The following PRPSAP2 variants were observed in gnomAD, a reference collection of about 807,000 sequenced individuals.
PRPSAP2 encodes phosphoribosyl pyrophosphate synthase-associated protein 2.
Under a neutral mutation model 40.6 loss-of-function variants are expected in PRPSAP2, and 24 were observed. The observed-to-expected ratio is 0.59, with a 90% CI of 0.43 to 0.83. The LOEUF (loss-of-function observed/expected upper bound fraction) is 0.83, where lower values mean the gene tolerates loss of function less well. Among genes scored for constraint, PRPSAP2 ranks in the 40% least tolerant of loss-of-function variants. The probability of loss-of-function intolerance (pLI) is 0.00; values close to 1 mark genes in which losing one functional copy is unlikely to be tolerated. For missense variants in PRPSAP2, 292 were observed against 465.6 expected, an observed-to-expected ratio of 0.63 and a Z score of 3.43; for synonymous variants, 149 against 164.7, an observed-to-expected ratio of 0.90 and a Z score of 0.73.
At chr17:18,921,229 G>A (rs1464644495) in intron 9 of PRPSAP2, among the ~76,000 whole-genome samples, 1 of 151,878 alleles carries the variant, frequency 6.6e-6, no homozygotes. Flanking sequence ...CTTATAATGT[G>A]GCAGGAAATA....
At chr17:18,926,273 A>ATTT (rs778589028) in intron 10 of PRPSAP2, among the ~76,000 whole-genome samples, 1 of 108,256 alleles carries the variant, frequency 9.2e-6, no homozygotes, top group African/African-American at 3.5e-5. Context: ...ATTTATTTCT[A>ATTT]TTTTTTTTTT....
intron 9 of PRPSAP2, among the ~76,000 whole-genome samples, chr17:18,912,525 C>CTTAACTTA (rs1567736311): frequency 2.0e-5 from 3 of 152,086 alleles, no homozygotes; most frequent in Non-Finnish European, 4.4e-5. Flanking sequence ...ATGTTAACTC[C>CTTAACTTA]GGGTAAGTCT....
chr17:18,898,199 G>C (rs558384892), intron 8 of PRPSAP2, among the ~76,000 whole-genome samples: 5 of 151,684 alleles, frequency 3.3e-5, no homozygotes, highest in East Asian at 1.9e-4. Context: ...GGGTTTCACT[G>C]TGTTGGCCAG....
rs2040973820 is a variant in PRPSAP2, at chr17:18,911,799, A to G, written c.733+548A>G. 6.6e-6 allele frequency among the ~76,000 whole-genome samples: 1 copy of G among 152,250 alleles called. No homozygotes were observed. Among genetic ancestry groups the G allele is most frequent in the Admixed American group, 6.5e-5 (1 of 15,282 alleles). On this transcript the variant is annotated intron_variant, in intron 9 of 11. Coordinates refer to ENST00000268835, the MANE Select transcript of PRPSAP2 (RefSeq NM_002767.4). The surrounding 1 kb of genome is among the most constrained non-coding windows in gnomAD (Gnocchi z 4.5). ...ATTTGTCTTAGTTCAGGCTGCTGTG[A>G]TGAAATACCTTAGACTGGGTAATAT... is the stretch of plus-strand genomic sequence containing the variant.
intron 8 of PRPSAP2, among the ~76,000 whole-genome samples, chr17:18,906,460 C>T (rs571872893): frequency 2.2e-4 from 34 of 152,264 alleles, no homozygotes; most frequent in African/African-American, 7.5e-4. Context: ...GCGATCCACC[C>T]GCCTCAGCCT....
chr17:18,895,182 TC>T (rs1408527871), intron 8 of PRPSAP2, among the ~76,000 whole-genome samples: 1 of 151,514 alleles, frequency 6.6e-6, no homozygotes, highest in Non-Finnish European at 1.5e-5. Context: ...ATTTTTGGGC[TC>T]ATGGCAATCC....
chr17:18,886,735 T>C (rs2039177408), intron 7 of PRPSAP2, among the ~76,000 whole-genome samples: 1 of 152,110 alleles, frequency 6.6e-6, no homozygotes, highest in Non-Finnish European at 1.5e-5. Context: ...TGTCAGGCAG[T>C]CCTTTTCACA....
At chr17:18,883,444 C>G (rs1434778743) in intron 7 of PRPSAP2, among the ~76,000 whole-genome samples, 2 of 144,784 alleles carry the variant, frequency 1.4e-5, no homozygotes, top group East Asian at 4.0e-4. Context: ...GGAGTCACTC[C>G]CAGGCTGGAG....
chr17:18,926,232 C>T (rs577859208), intron 10 of PRPSAP2, among the ~76,000 whole-genome samples: 1 of 139,550 alleles, frequency 7.2e-6, no homozygotes, highest in East Asian at 2.0e-4. Context: ...TCTAGTGCCA[C>T]TGCATTATTT....
At chr17:18,913,341 G>T (rs1437296690) in intron 9 of PRPSAP2, among the ~76,000 whole-genome samples, 1 of 152,118 alleles carries the variant, frequency 6.6e-6, no homozygotes, top group Non-Finnish European at 1.5e-5. Flanking sequence ...CCAGAGGGGT[G>T]GCCCGAGCTA....
At chr17:18,930,326 A>G (rs190753605) in intron 11 of PRPSAP2, among the ~76,000 whole-genome samples, 1 of 152,320 alleles carries the variant, frequency 6.6e-6, no homozygotes, top group African/African-American at 2.4e-5. Context: ...GTGAGCTGAG[A>G]TGGCATCACT....
At chr17:18,917,283 CT>C (rs796844934) in intron 9 of PRPSAP2, 3 of 151,614 alleles carry the variant, frequency 2.0e-5, no homozygotes, top group Admixed American at 2.0e-4. Flanking sequence ...TGATTAAACT[CT>C]TTTGTGAGTC....
chr17:18,884,868 G>A (rs1597602765), intron 7 of PRPSAP2, among the ~76,000 whole-genome samples: 1 of 152,178 alleles, frequency 6.6e-6, no homozygotes, highest in Admixed American at 6.6e-5. Context: ...TGTTTTAGGG[G>A]ATGTTTCCAT....
At chr17:18,922,740 C>T (rs181781235) in intron 9 of PRPSAP2, among the ~76,000 whole-genome samples, 4 of 136,808 alleles carry the variant, frequency 2.9e-5, no homozygotes, top group Non-Finnish European at 4.5e-5. Context: ...GTGGTGCAAT[C>T]GTGGCTCACT....
intron 11 of PRPSAP2, among the ~76,000 whole-genome samples, chr17:18,929,981 T>G (rs1013066244): frequency 1.3e-5 from 2 of 151,994 alleles, no homozygotes; most frequent in Non-Finnish European, 2.9e-5. Context: ...CAGCCGTGAG[T>G]TGGGGGGGGG....
At chr17:18,927,170 C>T (rs186670978) in intron 10 of PRPSAP2, among the ~76,000 whole-genome samples, 31 of 152,218 alleles carry the variant, frequency 2.0e-4, no homozygotes, top group Non-Finnish European at 7.4e-5. Flanking sequence ...AGAGGTTAAC[C>T]CACTCCCACA....
At chr17:18,907,482 T>C (rs2040668639) in intron 8 of PRPSAP2, among the ~76,000 whole-genome samples, 1 of 152,196 alleles carries the variant, frequency 6.6e-6, no homozygotes, top group Non-Finnish European at 1.5e-5. Context: ...TAGTAATTGA[T>C]AGAATAAGGA....
intron 8 of PRPSAP2, among the ~76,000 whole-genome samples, chr17:18,909,394 A>C (rs2151950622): frequency 6.6e-6 from 1 of 151,942 alleles, no homozygotes; most frequent in South Asian, 2.1e-4. Flanking sequence ...GGTGCCTGCC[A>C]CCCAGTCCGG....
At chr17:18,872,494 A>T in intron 4 of PRPSAP2, 89 bp from the exon 5 acceptor site, 1 of 985,134 alleles carries the variant, frequency 1.0e-6, no homozygotes, top group Non-Finnish European at 1.6e-6. Context: ...ATATTCTATT[A>T]CATTAGGGAA....
Sources: allele counts gnomAD v4.1 joint callset (sites outside exome capture counted in the v4.1 genomes callset), GRCh38; gene constraint gnomAD v4.1.1; non-coding constraint Gnocchi (gnomAD v3.1); transcripts MANE v1.5; gene names NCBI Gene and HGNC (gene_info 2026-07-23, HGNC 2026-07-21).